The following SOX5 variants were observed in gnomAD, a reference collection of about 807,000 sequenced individuals.
The protein encoded by SOX5 is SRY-box transcription factor 5.
A neutral mutation model predicts 92.0 loss-of-function variants in SOX5; 9 were observed. That is an observed-to-expected ratio of 0.10 (90% confidence interval 0.06 to 0.17). SOX5 has a LOEUF of 0.17. Ranked by LOEUF, SOX5 falls within the 10% of genes least tolerant of loss-of-function variation. SOX5 has a pLI of 1.00. For synonymous variants in SOX5, 344 were observed against 336.3 expected (o/e 1.02, Z -0.25); for missense variants, 642 against 944.5 (o/e 0.68, Z 4.20).
At chr12:23,773,908 T>C (rs1262696461) in intron 3 of SOX5, among the ~76,000 whole-genome samples, 1 of 152,054 alleles carries the variant, frequency 6.6e-6, no homozygotes, top group African/African-American at 2.4e-5. Context: ...GGTATAATAG[T>C]AGAGGGAGAA....
intron 6 of SOX5, among the ~76,000 whole-genome samples, chr12:23,709,026 A>G (rs1475091679): frequency 1.3e-5 from 2 of 152,172 alleles, no homozygotes; most frequent in Non-Finnish European, 2.9e-5. Context: ...TCATTTCCTC[A>G]CTGCTCAGAA....
chr12:24,438,149 G>A lies in SOX5; in HGVS notation c.-250-69510C>T, dbSNP rs2900533. 4.6e-3 allele frequency among the ~76,000 whole-genome samples: 701 copies of A among 152,224 alleles called. 11 individuals are homozygous for A. The East Asian group carries it at 0.051, about 11-fold the overall frequency. On this transcript the variant is annotated intron_variant, in intron 1 of 4. Transcript: ENST00000446891. The stretch of plus-strand genomic sequence containing the variant: ...CCTTTGCAGGGACATGGATGAAGCT[G>A]GAAACCATCATTCTCAGCAAACTAA...
At chr12:24,479,040 CCTT>C (rs1214849217) in intron 1 of SOX5, among the ~76,000 whole-genome samples, 13 of 152,198 alleles carry the variant, frequency 8.5e-5, no homozygotes, top group African/African-American at 2.7e-4. Context: ...TGAATGGATA[CCTT>C]CTTTAACCTA....
intron 2 of SOX5, among the ~76,000 whole-genome samples, chr12:24,349,695 T>C (rs1953824473): frequency 6.6e-6 from 1 of 152,254 alleles, no homozygotes; most frequent in South Asian, 2.1e-4. Flanking sequence ...ATGGACACTT[T>C]GGTTGCCTCT....
At chr12:23,790,692 C>T (rs986403355) in intron 3 of SOX5, among the ~76,000 whole-genome samples, 1 of 152,064 alleles carries the variant, frequency 6.6e-6, no homozygotes, top group African/African-American at 2.4e-5. Context: ...CTACTTATGA[C>T]CAGACTCATG....
At position 23,543,251 on chromosome 12, in the gene SOX5, G is replaced by A; in HGVS notation, c.1731C>T (p.Ala577=). ...AKDERRKILQ[A]FPDMHNSNIS... ...TGTTGGAGTTGTGCATGTCAGGAAA[G>A]GCTTGAAGGATCTTTCTCCGTTCAT... is the stretch of plus-strand genomic sequence containing the variant. Residue 577 remains alanine (A), a synonymous_variant, in exon 13 of 15, where the codon GCC becomes GCT. Transcript: ENST00000451604. The A allele has an allele frequency of 6.2e-7, 1 of 1,613,956 alleles. No homozygotes were observed.
In SOX5 at chr12:23,549,398, T is replaced by TA. The variant is rs768984263; in HGVS notation, c.1489-2975dup. Reference sequence around the variant, plus strand: ...AATCTGATAAAAATCACGGCTCTGATAAAAATCATGTTACTCAAGAGTTTC... The same window carrying TA: ...AATCTGATAAAAATCACGGCTCTGATAAAAAATCATGTTACTCAAGAGTTTC... On this transcript the variant is annotated intron_variant, in intron 11 of 14. Coordinates refer to ENST00000451604, the MANE Select transcript of SOX5 (RefSeq NM_006940.6). Among the ~76,000 whole-genome samples, 37 of 152,018 alleles carry TA rather than the reference T, an allele frequency of 2.4e-4. No homozygotes were observed. In the East Asian group the frequency reaches 7.1e-3, roughly 29 times the overall value.
chr12:24,483,597 C>T (rs553825384), intron 1 of SOX5, among the ~76,000 whole-genome samples: 5 of 152,292 alleles, frequency 3.3e-5, no homozygotes, highest in South Asian at 2.1e-4. Context: ...TGCAGCCTCT[C>T]GGTCTCTTAA....
intron 8 of SOX5, chr12:23,637,949 G>A (rs980950903): frequency 6.6e-6 from 1 of 152,294 alleles, no homozygotes; most frequent in African/African-American, 2.4e-5. Context: ...AGCTCTAACA[G>A]GGCACAGAAG....
intron 4 of SOX5, among the ~76,000 whole-genome samples, chr12:24,045,979 T>C (rs1770032041): frequency 6.6e-6 from 1 of 152,202 alleles, no homozygotes; most frequent in African/African-American, 2.4e-5. Flanking sequence ...TGGTCATGTC[T>C]ATCCCAAGCG....
chr12:23,549,328 G>A (rs1182410327), intron 11 of SOX5, among the ~76,000 whole-genome samples: 1 of 151,790 alleles, frequency 6.6e-6, no homozygotes, highest in Non-Finnish European at 1.5e-5. Flanking sequence ...ATTTTTTACC[G>A]ATCTTATAAT....
intron 1 of SOX5, among the ~76,000 whole-genome samples, chr12:24,556,358 A>G (rs746668419): frequency 7.9e-5 from 12 of 152,258 alleles, no homozygotes; most frequent in Non-Finnish European, 1.6e-4. Context: ...TAATTTCTCC[A>G]TGTTACTTTA....
chr12:23,960,483 A>T (rs1261382583), intron 4 of SOX5, among the ~76,000 whole-genome samples: 2 of 141,404 alleles, frequency 1.4e-5, no homozygotes, highest in East Asian at 2.0e-4. Flanking sequence ...TATATGTTTT[A>T]TATATATTTA....
intron 3 of SOX5, among the ~76,000 whole-genome samples, chr12:23,792,316 T>C (rs1185112767): frequency 1.3e-5 from 2 of 151,706 alleles, no homozygotes. Context: ...GGGATACACA[T>C]AACTAAGGCG....
chr12:24,034,645 T>C (rs900910241), intron 4 of SOX5, among the ~76,000 whole-genome samples: 13 of 151,744 alleles, frequency 8.6e-5, no homozygotes, highest in African/African-American at 2.7e-4. Context: ...TCCAACTTGA[T>C]TGAATGCAAC....
At chr12:23,910,783 A>G (rs1432066462) in intron 1 of SOX5, among the ~76,000 whole-genome samples, 1 of 152,138 alleles carries the variant, frequency 6.6e-6, no homozygotes, top group Non-Finnish European at 1.5e-5. Context: ...ATCCTTTTTT[A>G]GATGGGGTAA....
intron 9 of SOX5, among the ~76,000 whole-genome samples, chr12:23,591,841 AT>A (rs983018740): frequency 6.6e-6 from 1 of 151,914 alleles, no homozygotes; most frequent in African/African-American, 2.4e-5. Context: ...TCACAACAGT[AT>A]TTTTTTTCTT....
At chr12:23,543,624 C>T (rs574371444) in intron 12 of SOX5, among the ~76,000 whole-genome samples, 1 of 152,222 alleles carries the variant, frequency 6.6e-6, no homozygotes, top group African/African-American at 2.4e-5. Context: ...TTTCAATGGA[C>T]TGTTTCACCA....
chr12:23,603,417 T>A (rs1268879644), intron 9 of SOX5, among the ~76,000 whole-genome samples: 1 of 141,368 alleles, frequency 7.1e-6, no homozygotes, highest in African/African-American at 2.5e-5. Context: ...ATTTTCTACA[T>A]AATTCAGCAA....
Sources: gnomAD v4.1 joint callset for allele counts (sites outside exome capture counted in the v4.1 genomes callset) on GRCh38, gnomAD v4.1.1 for gene constraint, MANE v1.5 for transcripts, NCBI Gene and HGNC (gene_info 2026-07-23, HGNC 2026-07-21) for gene names.